Variants in DOCK1 observed in about 807,000 individuals in gnomAD.
DOCK1 encodes dedicator of cytokinesis protein 1.
In DOCK1, 138 loss-of-function variants were observed where a neutral mutation model predicts 262.7. The ratio of observed to expected loss-of-function variants is 0.53; its 90% CI spans 0.46 to 0.61. DOCK1 has a LOEUF of 0.61. Among genes scored for constraint, DOCK1 ranks in the 20% least tolerant of loss-of-function variants. The pLI is 0.00. For missense variants in DOCK1, 1,908 were observed against 2,370.7 expected (o/e 0.80, Z 4.05); for synonymous variants, 866 against 867.4 (o/e 1.00, Z 0.03).
At chr10:127,395,654 TG>T (rs2066780037) in intron 38 of DOCK1, among the ~76,000 whole-genome samples, 1 of 151,658 alleles carries the variant, frequency 6.6e-6, no homozygotes, top group South Asian at 2.1e-4. Flanking sequence ...GGCAACATGG[TG>T]GCAGCAGACT....
At chr10:127,262,213 C>CATTT (rs372547717) in intron 29 of DOCK1, among the ~76,000 whole-genome samples, 1 of 126,484 alleles carries the variant, frequency 7.9e-6, no homozygotes, top group Non-Finnish European at 1.7e-5. Flanking sequence ...TGTGTGTGTG[C>CATTT]GTGTGTGTGT....
intron 27 of DOCK1, among the ~76,000 whole-genome samples, chr10:127,156,556 CTTCTTCTTTTTTTTTTT>C (rs1253710437): frequency 6.3e-5 from 6 of 94,808 alleles, no homozygotes; most frequent in African/African-American, 2.4e-4. Flanking sequence ...TCTTCTTCTT[CTTCTTCTTTTTTTTTTT>C]TTTTTTTTTT....
At chr10:127,391,442 G>C (rs887801591) in intron 38 of DOCK1, among the ~76,000 whole-genome samples, 55 of 152,180 alleles carry the variant, frequency 3.6e-4, no homozygotes, top group African/African-American at 1.3e-3. Context: ...GAGCAAGACA[G>C]AGTTTTCCGA....
intron 27 of DOCK1, among the ~76,000 whole-genome samples, chr10:127,164,948 G>A (rs1198997238): frequency 1.3e-5 from 2 of 152,186 alleles, no homozygotes; most frequent in East Asian, 1.9e-4. Context: ...AGCTGAGGCC[G>A]AGTTGATTAA....
chr10:127,283,702 G>A (rs576673250), intron 29 of DOCK1, among the ~76,000 whole-genome samples: 6 of 152,236 alleles, frequency 3.9e-5, no homozygotes, highest in Admixed American at 3.3e-4. Flanking sequence ...TGTTACTCCA[G>A]CATTTTCATT....
chr10:127,247,710 C>A (rs1360632640), intron 27 of DOCK1, among the ~76,000 whole-genome samples: 2 of 152,168 alleles, frequency 1.3e-5, no homozygotes, highest in Non-Finnish European at 2.9e-5. Flanking sequence ...GTTTCTCATT[C>A]ATGTTACTGT....
At chr10:127,261,939 GGTGT>G (rs758932963) in intron 29 of DOCK1, among the ~76,000 whole-genome samples, 6 of 92,940 alleles carry the variant, frequency 6.5e-5, no homozygotes, top group Admixed American at 2.2e-4. Context: ...TGTGCATGTG[GGTGT>G]GTGTGTGTGT....
At chr10:127,383,952 G>A (rs984128179) in intron 37 of DOCK1, among the ~76,000 whole-genome samples, 9 of 151,954 alleles carry the variant, frequency 5.9e-5, no homozygotes, top group African/African-American at 2.2e-4. Context: ...GTCTTGCTCT[G>A]TTGTCCAGGC....
At chr10:127,213,878 C>T (rs574795285) in intron 27 of DOCK1, among the ~76,000 whole-genome samples, 18 of 152,238 alleles carry the variant, frequency 1.2e-4, no homozygotes, top group East Asian at 1.2e-3. Context: ...CTTGCTCTGT[C>T]GCCCAGGCTG....
chr10:126,954,725 G>A (rs2036593193), intron 1 of DOCK1, among the ~76,000 whole-genome samples: 1 of 152,192 alleles, frequency 6.6e-6, no homozygotes, highest in African/African-American at 2.4e-5. Flanking sequence ...TCAGCACAAT[G>A]TCCTCAAGGT....
intron 27 of DOCK1, among the ~76,000 whole-genome samples, chr10:127,147,953 C>T (rs1364235511): frequency 1.4e-5 from 2 of 142,768 alleles, no homozygotes; most frequent in African/African-American, 2.6e-5. Flanking sequence ...ATTGCTTCAA[C>T]CCAGGAGGAG....
chr10:127,266,972 C>T (rs1244421490), intron 29 of DOCK1, among the ~76,000 whole-genome samples: 2 of 152,184 alleles, frequency 1.3e-5, no homozygotes, highest in Admixed American at 6.5e-5. Context: ...CAGAGAAACA[C>T]ATGAGACTTT....
intron 29 of DOCK1, among the ~76,000 whole-genome samples, chr10:127,307,560 A>G (rs918318883): frequency 6.6e-6 from 1 of 152,116 alleles, no homozygotes; most frequent in Non-Finnish European, 1.5e-5. Flanking sequence ...TCACATAGTC[A>G]TGATCCTTCC....
chr10:127,367,813 C>T (rs2065005598), intron 33 of DOCK1, among the ~76,000 whole-genome samples: 1 of 152,188 alleles, frequency 6.6e-6, no homozygotes, highest in South Asian at 2.1e-4. Context: ...GCCATCCCAT[C>T]CCTGTTTGTG....
chr10:127,404,009 G>C (rs1268362113), intron 39 of DOCK1, among the ~76,000 whole-genome samples: 2 of 152,172 alleles, frequency 1.3e-5, no homozygotes, highest in East Asian at 3.9e-4. Flanking sequence ...AAATACTAAG[G>C]GCCAGCCATT....
chr10:127,160,975 C>T (rs2053545747), intron 27 of DOCK1, among the ~76,000 whole-genome samples: 1 of 152,126 alleles, frequency 6.6e-6, no homozygotes, highest in African/African-American at 2.4e-5. Context: ...TAATTAGAGG[C>T]ATAAAATGAT....
At chr10:127,282,735 T>A (rs2061006785) in intron 29 of DOCK1, among the ~76,000 whole-genome samples, 1 of 152,248 alleles carries the variant, frequency 6.6e-6, no homozygotes, top group East Asian at 1.9e-4. Flanking sequence ...TGACTGCATA[T>A]TCTCCTCCCT....
At chr10:127,392,726 G>A (rs1369051357) in intron 38 of DOCK1, among the ~76,000 whole-genome samples, 2 of 152,174 alleles carry the variant, frequency 1.3e-5, no homozygotes, top group Non-Finnish European at 2.9e-5. Flanking sequence ...GAGAGCGAAA[G>A]GCCATGCCTC....
chr10:127,080,453 T>A (rs1041849249), intron 23 of DOCK1, among the ~76,000 whole-genome samples: 1 of 152,136 alleles, frequency 6.6e-6, no homozygotes, highest in African/African-American at 2.4e-5. Flanking sequence ...GATTGATATT[T>A]GCTTTTGTAT....
Sources: gnomAD v4.1 joint callset for allele counts (sites outside exome capture counted in the v4.1 genomes callset) on GRCh38, gnomAD v4.1.1 for gene constraint, MANE v1.5 for transcripts, NCBI Gene and HGNC (gene_info 2026-07-23, HGNC 2026-07-21) for gene names.